OSBP2: variants seen among roughly 807,000 people sequenced by gnomAD.
The protein encoded by OSBP2 is oxysterol-binding protein 2.
Under a neutral mutation model 96.0 loss-of-function variants are expected in OSBP2, and 66 were observed. The observed-to-expected ratio is 0.69, with a 90% CI of 0.56 to 0.84. The LOEUF is 0.84. Among genes scored for constraint, OSBP2 ranks in the 40% least tolerant of loss-of-function variants. The pLI is 0.00. For synonymous variants in OSBP2, 525 were observed against 520.9 expected, an observed-to-expected ratio of 1.01 and a Z score of -0.11; for missense variants, 1,038 against 1,222.7, an observed-to-expected ratio of 0.85 and a Z score of 2.25.
intron 3 of OSBP2, among the ~76,000 whole-genome samples, chr22:30,886,313 C>G (rs2039807969): frequency 6.6e-6 from 1 of 152,108 alleles, no homozygotes; most frequent in African/African-American, 2.4e-5. Context: ...CTGGTTGGCA[C>G]TTGGTTGAGT....
At chr22:30,758,754 G>A (rs967365546) in intron 2 of OSBP2, among the ~76,000 whole-genome samples, 3 of 152,110 alleles carry the variant, frequency 2.0e-5, no homozygotes, top group African/African-American at 7.2e-5. Flanking sequence ...GGGAACCCCT[G>A]TTCCATTTTT....
chr22:30,729,375 C>T (rs538313475), intron 1 of OSBP2, among the ~76,000 whole-genome samples: 11 of 152,254 alleles, frequency 7.2e-5, no homozygotes, highest in South Asian at 2.1e-4. Context: ...CGGTGGCTCA[C>T]GCCTGTAAAC....
chr22:30,729,735 G>A (rs2089714972), intron 1 of OSBP2, among the ~76,000 whole-genome samples: 1 of 151,984 alleles, frequency 6.6e-6, no homozygotes, highest in African/African-American at 2.4e-5. Flanking sequence ...GCTGGTCATG[G>A]TGGCTAATGC....
At chr22:30,726,272 G>A (rs552287141) in intron 1 of OSBP2, among the ~76,000 whole-genome samples, 1 of 152,254 alleles carries the variant, frequency 6.6e-6, no homozygotes, top group East Asian at 1.9e-4. Flanking sequence ...AGAAAATGTG[G>A]CACATATACA....
intron 2 of OSBP2, among the ~76,000 whole-genome samples, chr22:30,777,150 A>C (rs751265114): frequency 6.6e-6 from 1 of 152,158 alleles, no homozygotes; most frequent in African/African-American, 2.4e-5. Context: ...GCTGAAATGA[A>C]TTAAGACTTT....
At chr22:30,842,303 CA>C (rs2038769516) in intron 2 of OSBP2, among the ~76,000 whole-genome samples, 1 of 152,042 alleles carries the variant, frequency 6.6e-6, no homozygotes, top group African/African-American at 2.4e-5. Context: ...GTCTCAAAAA[CA>C]AAACAAAACA....
intron 2 of OSBP2, among the ~76,000 whole-genome samples, chr22:30,761,187 C>T (rs1031320257): frequency 3.3e-5 from 5 of 152,082 alleles, no homozygotes; most frequent in East Asian, 1.9e-4. Context: ...TATTTGCAAG[C>T]GACATGATGG....
Position 30,755,201 on chromosome 22 carries a change from C to T in OSBP2, c.853+13832C>T, listed in dbSNP as rs1259736827. 1.1e-4 allele frequency among the ~76,000 whole-genome samples: 17 copies of T among 152,338 alleles called. No individual in the cohort carries two copies. In the East Asian group the frequency reaches 3.3e-3, roughly 29 times the overall value. On this transcript the variant is annotated intron_variant, in intron 2 of 13. Coordinates refer to ENST00000332585, the MANE Select transcript of OSBP2 (RefSeq NM_030758.4). Reference sequence around the variant, plus strand: ...CCACTAAACAGTCATGCTTTACACCCACTGGGCATGCCAGACCCACAGGGG... The same window carrying T: ...CCACTAAACAGTCATGCTTTACACCTACTGGGCATGCCAGACCCACAGGGG...
intron 1 of OSBP2, among the ~76,000 whole-genome samples, chr22:30,720,611 T>C (rs889489674): frequency 5.9e-5 from 9 of 152,190 alleles, no homozygotes; most frequent in African/African-American, 1.9e-4. Context: ...AGGAAAACAC[T>C]ACACATCCAT....
At chr22:30,816,541 C>T (rs2091085103) in intron 2 of OSBP2, among the ~76,000 whole-genome samples, 1 of 152,202 alleles carries the variant, frequency 6.6e-6, no homozygotes, top group Non-Finnish European at 1.5e-5. Flanking sequence ...TTTCCAAATG[C>T]ATGTGCAGGG....
intron 2 of OSBP2, among the ~76,000 whole-genome samples, chr22:30,847,351 G>A (rs1648805850): frequency 2.6e-5 from 4 of 151,920 alleles, no homozygotes; most frequent in African/African-American, 9.7e-5. Flanking sequence ...GCATGACCTC[G>A]GCTCACTGGA....
intron 3 of OSBP2, among the ~76,000 whole-genome samples, chr22:30,878,837 C>T (rs140740521): frequency 3.0e-4 from 45 of 152,150 alleles, no homozygotes; most frequent in African/African-American, 8.9e-4. Context: ...GAAGGGCACC[C>T]GGCACAGCCA....
intron 12 of OSBP2, chr22:30,902,663 C>A (rs947023621): frequency 1.7e-6 from 1 of 580,660 alleles, no homozygotes; most frequent in Non-Finnish European, 3.3e-6. Context: ...ACAAAGACCA[C>A]GACTCCAGCT....
intron 3 of OSBP2, among the ~76,000 whole-genome samples, chr22:30,875,591 C>T (rs954924869): frequency 2.6e-5 from 4 of 152,208 alleles, no homozygotes; most frequent in Admixed American, 2.0e-4. Flanking sequence ...AGGCTGGTCT[C>T]GAACTCCCGA....
Position 30,695,276 on chromosome 22 carries a change from G to T in OSBP2, c.367G>T (p.Ala123Ser). ...GVGAGPFTKA[A>S]SEPLSRAVGS... ...AGGGGCTGGGCCCTTCACTAAGGCC[G>T]CATCGGAGCCGCTCTCCCGGGCGGT... Residue 123 changes from alanine to serine, a missense_variant, in exon 1 of 14, where the codon GCA (alanine) becomes TCA (serine). This residue lies in a region of OSBP2 where 281 missense variants were observed against 273.4 expected (regional missense o/e 1.03). Coordinates refer to ENST00000332585, the MANE Select transcript of OSBP2 (RefSeq NM_030758.4). 7 of 1,613,254 alleles carry T rather than the reference G, an allele frequency of 4.3e-6. No homozygotes were observed. The highest frequency in any genetic ancestry group is 1.7e-5 in the Admixed American group (1 of 60,036).
chr22:30,721,134 G>A (rs1164115294), intron 1 of OSBP2, among the ~76,000 whole-genome samples: 1 of 152,156 alleles, frequency 6.6e-6, no homozygotes, highest in Non-Finnish European at 1.5e-5. Context: ...GGCTGAGGCA[G>A]GAGAATTGCT....
intron 2 of OSBP2, among the ~76,000 whole-genome samples, chr22:30,772,260 T>C (rs2090357003): frequency 6.6e-6 from 1 of 152,192 alleles, no homozygotes; most frequent in Non-Finnish European, 1.5e-5. Flanking sequence ...AGCAGCCACC[T>C]TACATTTTTC....
At chr22:30,818,585 T>C (rs136229) in intron 2 of OSBP2, among the ~76,000 whole-genome samples, 57,177 of 152,016 alleles carry the variant, frequency 0.38, 11,047 homozygotes, top group South Asian at 0.49. Flanking sequence ...GGGGACATAT[T>C]TCTCTGTTGC....
chr22:30,727,853 T>C (rs113382412), intron 1 of OSBP2, among the ~76,000 whole-genome samples: 4 of 152,060 alleles, frequency 2.6e-5, no homozygotes, highest in African/African-American at 9.7e-5. Flanking sequence ...ACACCTGTAA[T>C]CCCACCACTT....
Sources: gnomAD v4.1 joint callset for allele counts (sites outside exome capture counted in the v4.1 genomes callset) on GRCh38, gnomAD v4.1.1 for gene constraint, gnomAD v4.1.1 regional missense constraint, MANE v1.5 for transcripts, NCBI Gene and HGNC (gene_info 2026-07-23, HGNC 2026-07-21) for gene names.